The following TTC28 variants were observed in gnomAD, a reference collection of about 807,000 sequenced individuals.
The protein encoded by TTC28 is tetratricopeptide repeat protein 28.
Under a neutral mutation model 198.0 loss-of-function variants are expected in TTC28, and 61 were observed. The observed-to-expected ratio is 0.31, with a 90% confidence interval of 0.25 to 0.38. The LOEUF (loss-of-function observed/expected upper bound fraction) is 0.38, where lower values mean the gene tolerates loss of function less well. TTC28 is among the 10% of genes least tolerant of loss of function. The probability of loss-of-function intolerance (pLI) is 1.00; values close to 1 mark genes in which losing one functional copy is unlikely to be tolerated. For synonymous variants in TTC28, 1,171 were observed against 1,297.8 expected, an observed-to-expected ratio of 0.90 and a Z score of 2.10; for missense variants, 2,678 against 3,164.0, an observed-to-expected ratio of 0.85 and a Z score of 3.69.
chr22:28,557,313 T>G (rs1239384896), intron 2 of TTC28, among the ~76,000 whole-genome samples: 3 of 152,234 alleles, frequency 2.0e-5, no homozygotes, highest in African/African-American at 7.2e-5. Flanking sequence ...ACATTAAACC[T>G]TCATATTCCA....
At chr22:28,519,272 T>C (rs1483907416) in intron 2 of TTC28, among the ~76,000 whole-genome samples, 1 of 152,130 alleles carries the variant, frequency 6.6e-6, no homozygotes, top group East Asian at 1.9e-4. Flanking sequence ...AATTCAAAGG[T>C]CTTATTTCTC....
chr22:28,027,264 T>C (rs1938873584), intron 13 of TTC28, among the ~76,000 whole-genome samples: 1 of 152,310 alleles, frequency 6.6e-6, no homozygotes, highest in African/African-American at 2.4e-5. Flanking sequence ...CCTCTGGGGC[T>C]CACACCAAGG....
intron 5 of TTC28, among the ~76,000 whole-genome samples, chr22:28,195,969 G>A (rs576671829): frequency 4.6e-5 from 7 of 151,996 alleles, no homozygotes; most frequent in Admixed American, 1.3e-4. Flanking sequence ...AAAAGAGCCC[G>A]TATTGCCAAG....
At chr22:28,467,359 G>A (rs1340630663) in intron 2 of TTC28, among the ~76,000 whole-genome samples, 1 of 152,172 alleles carries the variant, frequency 6.6e-6, no homozygotes, top group Non-Finnish European at 1.5e-5. Flanking sequence ...AGGAGGTCAG[G>A]GTTGCTGTGA....
Position 28,453,934 on chromosome 22 carries a change from T to C in TTC28, c.382-147291A>G, listed in dbSNP as rs142191356. Among the ~76,000 whole-genome samples, 48 of 152,350 alleles carry C rather than the reference T, an allele frequency of 3.2e-4. No individual in the cohort carries two copies. In the East Asian group the frequency reaches 8.9e-3, roughly 28 times the overall value. ...CTACAAGGTCATACATGATCTAGCCTCTACTTTTCACCCTCATTTTTTACC... is the reference window on the plus strand; with the variant it reads ...CTACAAGGTCATACATGATCTAGCCCCTACTTTTCACCCTCATTTTTTACC... On this transcript the variant is annotated intron_variant, in intron 2 of 22. Transcript: ENST00000397906.
intron 2 of TTC28, among the ~76,000 whole-genome samples, chr22:28,411,121 G>C (rs909322624): frequency 6.6e-6 from 1 of 152,138 alleles, no homozygotes; most frequent in East Asian, 1.9e-4. Flanking sequence ...ATATTCTAAT[G>C]AACACCTGTT....
Position 28,674,265 on chromosome 22 carries a change from G to GTTT in TTC28, c.102+5354_102+5356dup, listed in dbSNP as rs943369337. On this transcript the variant is annotated intron_variant, in intron 1 of 22. Coordinates refer to ENST00000397906, the MANE Select transcript of TTC28 (RefSeq NM_001145418.2). ...TTCTGTTTGTGGTTTTTTCTTTGTGGTTTTTTTTTTTTTTTTTTTTGGTCT... is the reference window on the plus strand; with the variant it reads ...TTCTGTTTGTGGTTTTTTCTTTGTGGTTTTTTTTTTTTTTTTTTTTTTTGGTCT... 2.4e-3 allele frequency among the ~76,000 whole-genome samples: 262 copies of GTTT among 107,594 alleles called. 4 individuals carry two copies. Among genetic ancestry groups the GTTT allele is most frequent in the African/African-American group, 4.5e-3 (132 of 29,150 alleles). The allele number at this position is 107,594 out of a possible 152,430, so 70.6% of individuals were successfully genotyped here. A position where few individuals can be genotyped will look rare whatever the true frequency, so the allele number is the denominator to read the frequency against.
At chr22:28,271,532 C>G (rs184562840) in intron 5 of TTC28, among the ~76,000 whole-genome samples, 2 of 152,228 alleles carry the variant, frequency 1.3e-5, no homozygotes, top group African/African-American at 4.8e-5. Context: ...GTGGGAGGGA[C>G]CCAGTGGGAG....
At chr22:28,181,213 T>G (rs1569182622) in intron 5 of TTC28, among the ~76,000 whole-genome samples, 1 of 152,278 alleles carries the variant, frequency 6.6e-6, no homozygotes, top group South Asian at 2.1e-4. Flanking sequence ...TACCTAGACC[T>G]AAGAGTTACT....
intron 2 of TTC28, among the ~76,000 whole-genome samples, chr22:28,475,996 C>A (rs1182896807): frequency 6.6e-6 from 1 of 152,132 alleles, no homozygotes; most frequent in Non-Finnish European, 1.5e-5. Context: ...TTGTTCTACA[C>A]AAAAGCCAGA....
chr22:28,196,829 T>C (rs1294719939), intron 5 of TTC28, among the ~76,000 whole-genome samples: 2 of 152,152 alleles, frequency 1.3e-5, no homozygotes, highest in African/African-American at 4.8e-5. Flanking sequence ...GGTGGGACTG[T>C]AAACTAGTTC....
chr22:27,985,222 A>G, intron 22 of TTC28, 27 bp downstream of exon 22: 1 of 1,515,708 alleles, frequency 6.6e-7, no homozygotes, highest in Non-Finnish European at 9.0e-7. Flanking sequence ...GCCCTGGTGG[A>G]GAACTGGTCT....
At chr22:28,398,432 A>G (rs2046850748) in intron 2 of TTC28, among the ~76,000 whole-genome samples, 1 of 152,246 alleles carries the variant, frequency 6.6e-6, no homozygotes, top group Admixed American at 6.5e-5. Context: ...AACAAAAATT[A>G]GAAGCATGAG....
chr22:28,500,294 T>C (rs1356535947), intron 2 of TTC28, among the ~76,000 whole-genome samples: 2 of 152,214 alleles, frequency 1.3e-5, no homozygotes, highest in Non-Finnish European at 2.9e-5. Flanking sequence ...TGTGGTCTTT[T>C]GTGTCTAGCT....
chr22:28,523,637 T>A (rs559178350), intron 2 of TTC28, among the ~76,000 whole-genome samples: 1 of 152,324 alleles, frequency 6.6e-6, no homozygotes, highest in Admixed American at 6.5e-5. Context: ...GTGAGAGAGA[T>A]GCATCATCAT....
intron 2 of TTC28, among the ~76,000 whole-genome samples, chr22:28,394,890 A>G (rs952490007): frequency 6.6e-6 from 1 of 152,162 alleles, no homozygotes; most frequent in African/African-American, 2.4e-5. Flanking sequence ...AGTCAGAAAC[A>G]CACTGGAGCA....
chr22:28,632,455 T>G (rs1175337059), intron 1 of TTC28, among the ~76,000 whole-genome samples: 2 of 151,848 alleles, frequency 1.3e-5, no homozygotes. Context: ...ATACTGGAAG[T>G]GGCCAACCAA....
chr22:28,545,136 T>G (rs985558252), intron 2 of TTC28, among the ~76,000 whole-genome samples: 3 of 152,202 alleles, frequency 2.0e-5, no homozygotes, highest in African/African-American at 7.2e-5. Flanking sequence ...AACATCACAC[T>G]TATTAGTAAT....
chr22:28,053,562 T>C (rs1940167373), intron 12 of TTC28, among the ~76,000 whole-genome samples: 2 of 152,236 alleles, frequency 1.3e-5, no homozygotes, highest in South Asian at 2.1e-4. Context: ...GTTATTTTCA[T>C]TGCATAAATT....
Sources: allele counts gnomAD v4.1 joint callset (sites outside exome capture counted in the v4.1 genomes callset), GRCh38; gene constraint gnomAD v4.1.1; transcripts MANE v1.5; gene names NCBI Gene and HGNC (gene_info 2026-07-23, HGNC 2026-07-21).